SYT6: variants seen among roughly 807,000 people sequenced by gnomAD.
The protein encoded by SYT6 is synaptotagmin 6.
Under a neutral mutation model 38.4 loss-of-function variants are expected in SYT6, and 24 were observed. The ratio of observed to expected loss-of-function variants is 0.62; its 90% CI spans 0.45 to 0.88. SYT6 has a LOEUF of 0.88. Among genes scored for constraint, SYT6 ranks in the 40% least tolerant of loss-of-function variants. The pLI, the probability that SYT6 is intolerant of heterozygous loss-of-function variation, is 0.00. For synonymous variants in SYT6, 265 were observed against 241.9 expected, an observed-to-expected ratio of 1.10 and a Z score of -0.89; for missense variants, 611 against 621.0, an observed-to-expected ratio of 0.98 and a Z score of 0.17.
At chr1:114,109,348 G>A (rs1461741215) in intron 3 of SYT6, among the ~76,000 whole-genome samples, 1 of 152,210 alleles carries the variant, frequency 6.6e-6, no homozygotes, top group East Asian at 1.9e-4. Flanking sequence ...TGCCTGATGT[G>A]TAGTAAGTGC....
intron 3 of SYT6, among the ~76,000 whole-genome samples, chr1:114,127,949 C>T (rs79782500): frequency 0.017 from 2,579 of 152,332 alleles, 70 homozygotes; most frequent in African/African-American, 0.059. Context: ...CACAAGGGAG[C>T]CTTGCAGCCC....
At chr1:114,109,017 G>A (rs897523257) in intron 3 of SYT6, among the ~76,000 whole-genome samples, 1 of 151,424 alleles carries the variant, frequency 6.6e-6, no homozygotes, top group Non-Finnish European at 1.5e-5. Context: ...GGGTAGGGGG[G>A]CTGGAAGAGA....
chr1:114,146,725 C>T (rs1469767537), intron 1 of SYT6, among the ~76,000 whole-genome samples: 5 of 152,228 alleles, frequency 3.3e-5, no homozygotes, highest in Admixed American at 2.6e-4. Flanking sequence ...TTTACTTCTT[C>T]TTCAGCTTAG....
chr1:114,133,432 T>C (rs780947792), intron 3 of SYT6, among the ~76,000 whole-genome samples: 3 of 152,192 alleles, frequency 2.0e-5, no homozygotes, highest in Non-Finnish European at 4.4e-5. Context: ...AGCTCTATTA[T>C]AATGATAAAT....
At chr1:114,152,737 G>A (rs1048339578) in intron 1 of SYT6, 1 of 152,160 alleles carries the variant, frequency 6.6e-6, no homozygotes, top group African/African-American at 2.4e-5. Flanking sequence ...CCAGGGTCCA[G>A]CCCGGCGGGG....
intron 3 of SYT6, among the ~76,000 whole-genome samples, chr1:114,116,937 C>T (rs1344684862): frequency 7.9e-5 from 12 of 152,216 alleles, no homozygotes; most frequent in Admixed American, 2.6e-4. Flanking sequence ...AAACCAAGAA[C>T]CTTCCCTTGG....
chr1:114,148,863 T>C (rs1310595282), intron 1 of SYT6, among the ~76,000 whole-genome samples: 1 of 152,086 alleles, frequency 6.6e-6, no homozygotes, highest in Non-Finnish European at 1.5e-5. Context: ...AGAGCTGGGA[T>C]TTGAACCTAG....
At chr1:114,122,937 C>T (rs982691505) in intron 3 of SYT6, among the ~76,000 whole-genome samples, 4 of 152,222 alleles carry the variant, frequency 2.6e-5, no homozygotes, top group Non-Finnish European at 5.9e-5. Context: ...CTGTCCGGGC[C>T]CTGCCCGCCC....
At chr1:114,126,135 T>G (rs1016002932) in intron 3 of SYT6, among the ~76,000 whole-genome samples, 1 of 152,072 alleles carries the variant, frequency 6.6e-6, no homozygotes, top group Non-Finnish European at 1.5e-5. Flanking sequence ...GAGACCTGAT[T>G]TGGAGCCCAG....
chr1:114,146,119 C>T (rs1364435386), intron 1 of SYT6, among the ~76,000 whole-genome samples: 1 of 152,182 alleles, frequency 6.6e-6, no homozygotes, highest in Non-Finnish European at 1.5e-5. Flanking sequence ...GGGCTTTTGA[C>T]ATCTCACTGG....
intron 3 of SYT6, among the ~76,000 whole-genome samples, chr1:114,117,026 C>T (rs1677036524): frequency 6.6e-6 from 1 of 152,178 alleles, no homozygotes; most frequent in South Asian, 2.1e-4. Context: ...ATTCATGATT[C>T]CAGAAGGGAA....
At chr1:114,142,246 G>C (rs188055027) in intron 1 of SYT6, among the ~76,000 whole-genome samples, 96 of 152,294 alleles carry the variant, frequency 6.3e-4, no homozygotes, top group African/African-American at 1.9e-3. Context: ...AGGGGAAAAG[G>C]TCAAAATATC....
In SYT6 at chr1:114,097,962, G is replaced by A; in HGVS notation, c.1365-85C>T. ...CCAGTGTGGGGGGTGGTAGGACTCT[G>A]CCCGATGGGTCTAACTCAGAACTCT... is the stretch of plus-strand genomic sequence containing the variant. On this transcript the variant is annotated intron_variant, in intron 5 of 7. Coordinates refer to ENST00000610222, the MANE Select transcript of SYT6 (RefSeq NM_001253772.2). 3 of 1,488,510 alleles carry A rather than the reference G, an allele frequency of 2.0e-6. No individual in the cohort carries two copies. In the South Asian group the frequency reaches 3.7e-5, roughly 18 times the overall value. 92.2% of individuals were successfully genotyped at this position (1,488,510 alleles called of 1,614,324 possible). A position where few individuals can be genotyped will look rare whatever the true frequency, so the allele number is the denominator to read the frequency against.
intron 3 of SYT6, among the ~76,000 whole-genome samples, chr1:114,134,314 T>C (rs566315422): frequency 6.6e-6 from 1 of 152,336 alleles, no homozygotes; most frequent in East Asian, 1.9e-4. Context: ...CAAGAAGCCT[T>C]CCCAGGTTAA....
At chr1:114,127,454 A>C (rs1407565470) in intron 3 of SYT6, among the ~76,000 whole-genome samples, 1 of 151,936 alleles carries the variant, frequency 6.6e-6, no homozygotes, top group Non-Finnish European at 1.5e-5. Context: ...AGTCCCAGAA[A>C]AGTCAAGGTC....
chr1:114,147,936 G>A (rs1200278619), intron 1 of SYT6, among the ~76,000 whole-genome samples: 7 of 152,146 alleles, frequency 4.6e-5, no homozygotes, highest in Non-Finnish European at 8.8e-5. Flanking sequence ...CAGACACAAA[G>A]CTAAGCTAAG....
chr1:114,116,153 T>C (rs1449553698), intron 3 of SYT6, among the ~76,000 whole-genome samples: 1 of 152,236 alleles, frequency 6.6e-6, no homozygotes, highest in Admixed American at 6.5e-5. Flanking sequence ...GGATACATCC[T>C]GCTCACTTAA....
chr1:114,123,240 A>G (rs763048030), intron 3 of SYT6, among the ~76,000 whole-genome samples: 1 of 152,162 alleles, frequency 6.6e-6, no homozygotes, highest in Non-Finnish European at 1.5e-5. Flanking sequence ...CCAACTTCTC[A>G]AGAAGGGAAA....
At chr1:114,130,611 T>A (rs771734432) in intron 3 of SYT6, among the ~76,000 whole-genome samples, 3 of 152,214 alleles carry the variant, frequency 2.0e-5, no homozygotes, top group Non-Finnish European at 2.9e-5. Flanking sequence ...TTTTTCCTTT[T>A]AATGTAATGT....
Sources: gnomAD v4.1 joint callset for allele counts (sites outside exome capture counted in the v4.1 genomes callset) on GRCh38, gnomAD v4.1.1 for gene constraint, MANE v1.5 for transcripts, NCBI Gene and HGNC (gene_info 2026-07-23, HGNC 2026-07-21) for gene names.